MTA3: variants seen among roughly 807,000 people sequenced by gnomAD.
MTA3 encodes the protein metastasis-associated protein MTA3.
In MTA3, 34 loss-of-function variants were observed where a neutral mutation model predicts 83.5. The observed-to-expected ratio is 0.41, with a 90% CI of 0.31 to 0.54. The LOEUF (loss-of-function observed/expected upper bound fraction) is 0.54, where lower values mean the gene tolerates loss of function less well. Among genes scored for constraint, MTA3 ranks in the 20% least tolerant of loss-of-function variants. The pLI is 0.33. For missense variants in MTA3, 761 were observed against 726.4 expected, an observed-to-expected ratio of 1.05 and a Z score of -0.55; for synonymous variants, 303 against 252.7, an observed-to-expected ratio of 1.20 and a Z score of -1.89.
intron 3 of MTA3, among the ~76,000 whole-genome samples, chr2:42,583,497 C>A (rs773138509): frequency 6.6e-6 from 1 of 152,096 alleles, no homozygotes; most frequent in African/African-American, 2.4e-5. Context: ...TTTTCCTGAA[C>A]TTTAGTTTTT....
intron 4 of MTA3, among the ~76,000 whole-genome samples, chr2:42,623,985 A>AT (rs1324997835): frequency 6.6e-6 from 1 of 152,132 alleles, no homozygotes; most frequent in African/African-American, 2.4e-5. Flanking sequence ...AAGTGCTGGG[A>AT]TTATAGGCTG....
At chr2:42,577,103 A>T (rs1203585476) in intron 2 of MTA3, among the ~76,000 whole-genome samples, 5 of 73,604 alleles carry the variant, frequency 6.8e-5, no homozygotes, top group African/African-American at 3.2e-4. Context: ...AAAAAAAAAA[A>T]AAATATATAT....
At chr2:42,699,974 C>A (rs879300274) in intron 11 of MTA3, among the ~76,000 whole-genome samples, 3 of 151,928 alleles carry the variant, frequency 2.0e-5, no homozygotes, top group Non-Finnish European at 2.9e-5. Flanking sequence ...AATATGATAG[C>A]TAAAATGATA....
At chr2:42,574,134 CTTTT>C (rs763023060) in intron 2 of MTA3, among the ~76,000 whole-genome samples, 1 of 138,034 alleles carries the variant, frequency 7.2e-6, no homozygotes, top group Non-Finnish European at 1.6e-5. Flanking sequence ...CCGCGCCCGG[CTTTT>C]TTTTTTTTTT....
intron 14 of MTA3, chr2:42,709,314 C>T: frequency 7.3e-7 from 1 of 1,376,692 alleles, no homozygotes; most frequent in Middle Eastern, 2.8e-4. Flanking sequence ...CTTCTGTACT[C>T]TTTACCAGAG....
chr2:42,689,586 C>G (rs1304617964), intron 9 of MTA3, among the ~76,000 whole-genome samples: 14 of 151,998 alleles, frequency 9.2e-5, no homozygotes, highest in Non-Finnish European at 1.6e-4. Context: ...TTACCTCTTT[C>G]TTCTTGAGTG....
chr2:42,521,462 G>A (rs1461941365), intron 2 of MTA3, among the ~76,000 whole-genome samples: 2 of 152,190 alleles, frequency 1.3e-5, no homozygotes, highest in Non-Finnish European at 2.9e-5. Flanking sequence ...GTTGTCTTAA[G>A]TCATTAAGTT....
intron 16 of MTA3, among the ~76,000 whole-genome samples, chr2:42,726,556 C>A (rs893873576): frequency 6.6e-6 from 1 of 152,024 alleles, no homozygotes; most frequent in Non-Finnish European, 1.5e-5. Context: ...CTTCCTGTGT[C>A]CATGTGTTCT....
chr2:42,699,133 G>C (rs1693637156), intron 11 of MTA3, among the ~76,000 whole-genome samples: 1 of 152,132 alleles, frequency 6.6e-6, no homozygotes, highest in South Asian at 2.1e-4. Flanking sequence ...TCTAAGTCAG[G>C]GATCAACAAA....
intron 3 of MTA3, among the ~76,000 whole-genome samples, chr2:42,593,534 G>GC (rs1170299526): frequency 6.6e-6 from 1 of 151,998 alleles, no homozygotes. Context: ...TGATATTACC[G>GC]CTATAGTGTC....
chr2:42,585,557 C>T (rs1465064836), intron 3 of MTA3, among the ~76,000 whole-genome samples: 5 of 150,514 alleles, frequency 3.3e-5, no homozygotes, highest in Admixed American at 6.7e-5. Flanking sequence ...TCACTGCAAC[C>T]TCCGCCTCGT....
At chr2:42,613,490 A>G (rs1276025714) in intron 4 of MTA3, among the ~76,000 whole-genome samples, 1 of 152,248 alleles carries the variant, frequency 6.6e-6, no homozygotes, top group African/African-American at 2.4e-5. Flanking sequence ...GAACAAGTGC[A>G]CATTGGAGTG....
rs113648894 is a variant in MTA3, at chr2:42,557,233, C to T, written c.-140-13204C>T. 1.9e-3 allele frequency among the ~76,000 whole-genome samples: 289 copies of T among 151,856 alleles called. 3 individuals are homozygous for T. Among genetic ancestry groups the T allele is most frequent in the African/African-American group, 6.5e-3 (269 of 41,388 alleles). ...ACTTCAGCCTGGGAGGAGCCGAGAT[C>T]GCGCCACTGCACTCCAGCCTGGGCA... is the stretch of plus-strand genomic sequence containing the variant. On this transcript the variant is annotated intron_variant, in intron 2 of 17. Coordinates refer to the MTA3 transcript ENST00000405592.
intron 3 of MTA3, among the ~76,000 whole-genome samples, chr2:42,592,081 T>C (rs540280677): frequency 3.1e-4 from 47 of 152,064 alleles, no homozygotes; most frequent in Non-Finnish European, 6.5e-4. Context: ...CTGGGCAACA[T>C]GGTGAAACTC....
chr2:42,651,497 T>C (rs1688711731), intron 6 of MTA3, among the ~76,000 whole-genome samples: 1 of 152,142 alleles, frequency 6.6e-6, no homozygotes, highest in South Asian at 2.1e-4. Flanking sequence ...ACCAAAAGAA[T>C]AGGCAATTGG....
At chr2:42,583,080 CG>C (rs1679855748) in intron 3 of MTA3, among the ~76,000 whole-genome samples, 1 of 151,882 alleles carries the variant, frequency 6.6e-6, no homozygotes, top group Non-Finnish European at 1.5e-5. Context: ...CACCAAAAAA[CG>C]GGGAGAAAAA....
intron 2 of MTA3, among the ~76,000 whole-genome samples, chr2:42,523,970 G>T (rs1020988548): frequency 3.3e-5 from 5 of 151,958 alleles, no homozygotes; most frequent in African/African-American, 1.2e-4. Flanking sequence ...GACTGGAATA[G>T]AATATTTTTT....
intron 2 of MTA3, among the ~76,000 whole-genome samples, chr2:42,538,829 C>G (rs1198372189): frequency 2.1e-5 from 3 of 142,324 alleles, no homozygotes; most frequent in Non-Finnish European, 3.0e-5. Flanking sequence ...CTGCGGACTG[C>G]AGTGGCGCAA....
At chr2:42,590,242 A>G (rs753283711) in intron 3 of MTA3, among the ~76,000 whole-genome samples, 8 of 152,122 alleles carry the variant, frequency 5.3e-5, no homozygotes, top group Non-Finnish European at 1.2e-4. Context: ...GTGGGGCATA[A>G]TGGGAGATGG....
Sources: gnomAD v4.1 joint callset for allele counts (sites outside exome capture counted in the v4.1 genomes callset) on GRCh38, gnomAD v4.1.1 for gene constraint, MANE v1.5 for transcripts, NCBI Gene and HGNC (gene_info 2026-07-23, HGNC 2026-07-21) for gene names.